CHCHD6: variants seen among roughly 807,000 people sequenced by gnomAD.
The protein encoded by CHCHD6 is MICOS complex subunit MIC25.
In CHCHD6, 28 loss-of-function variants were observed where a neutral mutation model predicts 32.3. The ratio of observed to expected loss-of-function variants is 0.87; its 90% CI spans 0.64 to 1.19. The LOEUF (loss-of-function observed/expected upper bound fraction) is 1.19, where lower values mean the gene tolerates loss of function less well. Among genes scored for constraint, CHCHD6 ranks in the 50% most tolerant of loss-of-function variants. CHCHD6 has a pLI of 0.00. For missense variants in CHCHD6, 333 were observed against 307.0 expected (o/e 1.08, Z -0.63); for synonymous variants, 122 against 117.5 (o/e 1.04, Z -0.25).
Position 126,957,480 on chromosome 3 carries a change from C to A in CHCHD6, c.631C>A (p.Arg211Ser). Residue 211 changes from arginine to serine, a missense_variant, in exon 7 of 8, where the codon CGC becomes AGC. Physicochemically the swap from Arg to Ser is moderately radical, Grantham distance 110. Coordinates refer to ENST00000290913, the MANE Select transcript of CHCHD6 (RefSeq NM_032343.3). ...QAQILHCYRD[R>S]PHEVLLCSDL... The stretch of plus-strand genomic sequence containing the variant: ...CCAGATTCTCCACTGCTACCGAGAT[C>A]GCCCGCATGAGGTGCTGCTGTGCTC... The A allele has an allele frequency of 6.2e-7, 1 of 1,607,762 alleles. No homozygotes were observed. The highest frequency in any genetic ancestry group is 8.5e-7 in the Non-Finnish European group (1 of 1,177,364).
intron 6 of CHCHD6, among the ~76,000 whole-genome samples, chr3:126,921,975 C>A (rs1017215041): frequency 6.6e-6 from 1 of 152,184 alleles, no homozygotes; most frequent in Non-Finnish European, 1.5e-5. Flanking sequence ...TCGTCTTAGC[C>A]TGAATTCAAA....
intron 6 of CHCHD6, among the ~76,000 whole-genome samples, chr3:126,950,127 A>G (rs969452678): frequency 9.2e-5 from 14 of 152,070 alleles, no homozygotes; most frequent in African/African-American, 3.4e-4. Context: ...TGCACAGATG[A>G]TGGGAAAAGA....
chr3:126,880,238 G>T (rs1218104248), intron 5 of CHCHD6, among the ~76,000 whole-genome samples: 1 of 152,172 alleles, frequency 6.6e-6, no homozygotes, highest in African/African-American at 2.4e-5. Context: ...ACAGTCCTCA[G>T]TGTTTTATGG....
At chr3:126,784,350 A>G (rs1938098204) in intron 4 of CHCHD6, among the ~76,000 whole-genome samples, 1 of 152,114 alleles carries the variant, frequency 6.6e-6, no homozygotes, top group African/African-American at 2.4e-5. Context: ...CCCTGTTCTC[A>G]GCCCAGCAGC....
At chr3:126,872,681 G>C (rs551243349) in intron 5 of CHCHD6, among the ~76,000 whole-genome samples, 88 of 152,254 alleles carry the variant, frequency 5.8e-4, no homozygotes, top group Admixed American at 1.4e-3. Flanking sequence ...GAACTCACAG[G>C]CTTCCTCTCT....
intron 4 of CHCHD6, among the ~76,000 whole-genome samples, chr3:126,817,147 GCT>G (rs2107534471): frequency 1.3e-5 from 2 of 152,272 alleles, no homozygotes; most frequent in African/African-American, 4.8e-5. Context: ...ATCGCCGACT[GCT>G]CTCTCTGGGC....
intron 4 of CHCHD6, chr3:126,767,109 C>A: frequency 7.0e-7 from 1 of 1,431,196 alleles, no homozygotes; most frequent in Non-Finnish European, 9.8e-7. Context: ...AACTTCCCAT[C>A]CGAGTTGTGT....
chr3:126,713,438 T>G (rs1468051440), intron 1 of CHCHD6, among the ~76,000 whole-genome samples: 1 of 152,210 alleles, frequency 6.6e-6, no homozygotes, highest in Admixed American at 6.5e-5. Flanking sequence ...CCTTCATGTG[T>G]GGGCGCCACT....
At chr3:126,783,475 G>C (rs1346880840) in intron 4 of CHCHD6, among the ~76,000 whole-genome samples, 1 of 152,188 alleles carries the variant, frequency 6.6e-6, no homozygotes, top group Non-Finnish European at 1.5e-5. Context: ...AAATGAAATA[G>C]AAAGCATCCA....
intron 4 of CHCHD6, among the ~76,000 whole-genome samples, chr3:126,758,304 C>T (rs1937037485): frequency 6.6e-6 from 1 of 152,252 alleles, no homozygotes; most frequent in South Asian, 2.1e-4. Context: ...TCTGCAACTC[C>T]ATTAACCATA....
chr3:126,830,434 G>A (rs141490421), intron 4 of CHCHD6, among the ~76,000 whole-genome samples: 3 of 152,290 alleles, frequency 2.0e-5, no homozygotes, highest in African/African-American at 7.2e-5. Context: ...TGCATGCCTG[G>A]GGAGACCCAC....
chr3:126,802,924 A>G (rs538158735), intron 4 of CHCHD6, among the ~76,000 whole-genome samples: 5 of 152,178 alleles, frequency 3.3e-5, no homozygotes, highest in African/African-American at 1.2e-4. Context: ...ATTCTTAAAG[A>G]AAAGAATTTT....
At chr3:126,763,448 T>C (rs1482821297) in intron 4 of CHCHD6, among the ~76,000 whole-genome samples, 1 of 152,004 alleles carries the variant, frequency 6.6e-6, no homozygotes, top group African/African-American at 2.4e-5. Flanking sequence ...CTCAGCCTCC[T>C]AAGTACCTAG....
intron 1 of CHCHD6, among the ~76,000 whole-genome samples, chr3:126,713,695 C>T (rs957073162): frequency 2.6e-5 from 4 of 152,108 alleles, no homozygotes; most frequent in Non-Finnish European, 4.4e-5. Flanking sequence ...ACATCTTCTT[C>T]GTCTCTCTGT....
intron 3 of CHCHD6, among the ~76,000 whole-genome samples, chr3:126,731,246 GT>G (rs1323738639): frequency 6.6e-6 from 1 of 151,966 alleles, no homozygotes; most frequent in Non-Finnish European, 1.5e-5. Flanking sequence ...AACTGTGGTT[GT>G]CCAGATGAAC....
intron 4 of CHCHD6, among the ~76,000 whole-genome samples, chr3:126,769,669 AT>A (rs1013258898): frequency 7.3e-5 from 11 of 151,544 alleles, no homozygotes; most frequent in Non-Finnish European, 1.5e-4. Context: ...CTCCTGGCTA[AT>A]TTTTTTTGTA....
At chr3:126,863,341 A>ACCT (rs1412968857) in intron 5 of CHCHD6, among the ~76,000 whole-genome samples, 1 of 98,946 alleles carries the variant, frequency 1.0e-5, no homozygotes, top group Non-Finnish European at 2.0e-5. Context: ...CTCCTCCATC[A>ACCT]CCTCCTCCTC....
chr3:126,886,622 C>G (rs2077683706), intron 5 of CHCHD6, among the ~76,000 whole-genome samples: 1 of 152,346 alleles, frequency 6.6e-6, no homozygotes, highest in East Asian at 1.9e-4. Context: ...CTCACTGCTT[C>G]TCAGCATATA....
chr3:126,833,826 C>T (rs1223935380), intron 4 of CHCHD6, among the ~76,000 whole-genome samples: 11 of 151,902 alleles, frequency 7.2e-5, no homozygotes, highest in African/African-American at 1.9e-4. Context: ...GAGGCCGAGG[C>T]GGGCGGATCA....
Sources: allele counts gnomAD v4.1 joint callset (sites outside exome capture counted in the v4.1 genomes callset), GRCh38; gene constraint gnomAD v4.1.1; transcripts MANE v1.5; gene names NCBI Gene and HGNC (gene_info 2026-07-23, HGNC 2026-07-21).